The following CTXND2 variants were observed in gnomAD, a reference collection of about 807,000 sequenced individuals.
CTXND2 encodes cortexin domain containing 2.
exon 1 of CTXND2, chr1:150,887,171 G>C (rs1166012752): frequency 6.6e-6 from 1 of 152,404 alleles, no homozygotes; most frequent in African/African-American, 2.4e-5. Flanking sequence ...CAGCGTGGGA[G>C]TGGGGAAGGG....
chr1:150,897,763 A>G (rs770001494), intron 1 of CTXND2, among the ~76,000 whole-genome samples: 1 of 152,232 alleles, frequency 6.6e-6, no homozygotes, highest in Non-Finnish European at 1.5e-5. Flanking sequence ...AATAATATAT[A>G]TATACACCCA....
chr1:150,900,980 C>T (rs1669013308), intron 1 of CTXND2, among the ~76,000 whole-genome samples: 2 of 152,180 alleles, frequency 1.3e-5, no homozygotes, highest in South Asian at 4.2e-4. Flanking sequence ...CACATGGTGG[C>T]ATGCACCTGT....
At chr1:150,910,133 C>CTTTTTTTTTTTTTTTTTTTTTTT (rs1338323220) in intron 1 of CTXND2, among the ~76,000 whole-genome samples, 9 of 119,130 alleles carry the variant, frequency 7.6e-5, no homozygotes, top group African/African-American at 1.3e-4. Flanking sequence ...TTTTTTTTTT[C>CTTTTTTTTTTTTTTTTTTTTTTT]TTTTTTTTTT....
At chr1:150,903,225 C>T (rs1429990793) in intron 1 of CTXND2, among the ~76,000 whole-genome samples, 1 of 152,014 alleles carries the variant, frequency 6.6e-6, no homozygotes, top group Non-Finnish European at 1.5e-5. Context: ...TAAAAATCAC[C>T]CTTCTGTTAA....
At chr1:150,911,065 A>G (rs1337018772) in intron 1 of CTXND2, among the ~76,000 whole-genome samples, 2 of 151,906 alleles carry the variant, frequency 1.3e-5, no homozygotes, top group African/African-American at 2.4e-5. Flanking sequence ...CGGCCTCCCA[A>G]AGTGCTGGGC....
intron 1 of CTXND2, among the ~76,000 whole-genome samples, chr1:150,889,354 C>T (rs942711961): frequency 4.0e-5 from 6 of 149,386 alleles, no homozygotes; most frequent in Non-Finnish European, 7.4e-5. Context: ...GAGCCGAGAT[C>T]GCACCACTGC....
intron 1 of CTXND2, among the ~76,000 whole-genome samples, chr1:150,894,060 C>T (rs1460819257): frequency 6.6e-6 from 1 of 151,996 alleles, no homozygotes. Context: ...TCAGGCAATC[C>T]TCCTGTCTTG....
intron 1 of CTXND2, among the ~76,000 whole-genome samples, chr1:150,889,420 C>G (rs1366734404): frequency 6.7e-6 from 1 of 149,616 alleles, no homozygotes; most frequent in South Asian, 2.1e-4. Context: ...AAAAAAGCAA[C>G]TCCTAAAATA....
At chr1:150,900,792 C>T (rs1294642162) in intron 1 of CTXND2, among the ~76,000 whole-genome samples, 1 of 151,962 alleles carries the variant, frequency 6.6e-6, no homozygotes, top group African/African-American at 2.4e-5. Flanking sequence ...GAAAAAGAGA[C>T]AAAATACATG....
intron 1 of CTXND2, among the ~76,000 whole-genome samples, chr1:150,903,319 G>T (rs1290586987): frequency 1.3e-5 from 2 of 151,936 alleles, no homozygotes; most frequent in South Asian, 2.1e-4. Flanking sequence ...TGCATGATTT[G>T]TCCCTCCCGC....
chr1:150,909,166 A>G (rs1316398481), intron 1 of CTXND2, among the ~76,000 whole-genome samples: 1 of 144,448 alleles, frequency 6.9e-6, no homozygotes, highest in African/African-American at 2.6e-5. Flanking sequence ...TGAACCTGGG[A>G]GGCAGAGGTT....
At chr1:150,889,724 G>A (rs1399968740) in intron 1 of CTXND2, among the ~76,000 whole-genome samples, 1 of 152,012 alleles carries the variant, frequency 6.6e-6, no homozygotes, top group Non-Finnish European at 1.5e-5. Flanking sequence ...CTGAAGTATG[G>A]CTTTGATCAT....
At chr1:150,905,112 C>G (rs2102601824) in intron 1 of CTXND2, among the ~76,000 whole-genome samples, 1 of 143,376 alleles carries the variant, frequency 7.0e-6, no homozygotes, top group South Asian at 2.2e-4. Context: ...ACAAATCACC[C>G]TTCATAAGGA....
Position 150,906,621 on chromosome 1 carries a change from G to T in CTXND2, c.-73-5621G>T, listed in dbSNP as rs587648898. ...ACATAAAAAATCATGTCAATTTCTT[G>T]GCTACAGAGATCTGAAAGTGGAAGG... On this transcript the variant is annotated intron_variant, in intron 1 of 1. Transcript: ENST00000636087. Among the ~76,000 whole-genome samples, 13 of 152,282 alleles carry T rather than the reference G, an allele frequency of 8.5e-5. No homozygotes were observed. The East Asian group carries it at 2.3e-3, about 27-fold the overall frequency.
intron 1 of CTXND2, among the ~76,000 whole-genome samples, chr1:150,902,474 A>C (rs1164223980): frequency 6.6e-6 from 1 of 151,968 alleles, no homozygotes; most frequent in Non-Finnish European, 1.5e-5. Flanking sequence ...AGGCTAAGGC[A>C]GGAGAATTGC....
intron 1 of CTXND2, among the ~76,000 whole-genome samples, chr1:150,890,758 AC>A (rs1668840618): frequency 6.6e-6 from 1 of 151,862 alleles, no homozygotes. Flanking sequence ...CCGCCTCGGC[AC>A]CCCAAAGTGC....
At chr1:150,909,737 C>G (rs1669216597) in intron 1 of CTXND2, among the ~76,000 whole-genome samples, 1 of 152,106 alleles carries the variant, frequency 6.6e-6, no homozygotes, top group African/African-American at 2.4e-5. Context: ...CTGCTGCTCA[C>G]CACACAGAAA....
chr1:150,900,103 C>T (rs976237321), intron 1 of CTXND2, among the ~76,000 whole-genome samples: 5 of 152,182 alleles, frequency 3.3e-5, no homozygotes, highest in East Asian at 3.8e-4. Flanking sequence ...GTTCGGGTCC[C>T]TTTCCACCGT....
At chr1:150,889,679 C>T (rs1668823362) in intron 1 of CTXND2, among the ~76,000 whole-genome samples, 2 of 152,018 alleles carry the variant, frequency 1.3e-5, no homozygotes, top group South Asian at 4.1e-4. Context: ...TGTGTTAGCT[C>T]CAATACTTTT....
Sources: allele counts gnomAD v4.1 joint callset (sites outside exome capture counted in the v4.1 genomes callset), GRCh38; gene constraint gnomAD v4.1.1; transcripts MANE v1.5; gene names NCBI Gene and HGNC (gene_info 2026-07-23, HGNC 2026-07-21).